NBAS: variants seen among roughly 807,000 people sequenced by gnomAD.
NBAS encodes the protein NAG/BC035112 fusion.
NBAS carries 219 observed loss-of-function variants against 302.5 expected under a neutral mutation model. That is an observed-to-expected ratio of 0.72 (90% CI 0.65 to 0.81). The LOEUF is 0.81. Among genes scored for constraint, NBAS ranks in the 30% least tolerant of loss-of-function variants. The probability of loss-of-function intolerance (pLI) is 0.00; values close to 1 mark genes in which losing one functional copy is unlikely to be tolerated. For synonymous variants in NBAS, 1,118 were observed against 1,021.6 expected (o/e 1.09, Z -1.80); for missense variants, 2,932 against 2,841.6 (o/e 1.03, Z -0.72).
intron 48 of NBAS, among the ~76,000 whole-genome samples, chr2:15,204,140 G>T (rs1311320241): frequency 1.3e-5 from 2 of 151,794 alleles, no homozygotes; most frequent in Non-Finnish European, 2.9e-5. Flanking sequence ...GCATGCCTGC[G>T]GTCTCAGTGA....
At chr2:15,493,986 G>A (rs547253785) in intron 11 of NBAS, among the ~76,000 whole-genome samples, 29 of 151,632 alleles carry the variant, frequency 1.9e-4, no homozygotes, top group African/African-American at 4.6e-4. Flanking sequence ...CCACCACGCC[G>A]GGCTAATTTT....
intron 26 of NBAS, among the ~76,000 whole-genome samples, chr2:15,401,440 G>A (rs974078772): frequency 1.3e-5 from 2 of 152,068 alleles, no homozygotes; most frequent in South Asian, 2.1e-4. Flanking sequence ...AGAGAATGAG[G>A]CTTTCTTGTC....
chr2:15,421,107 G>T (rs888599092), intron 23 of NBAS, among the ~76,000 whole-genome samples: 8 of 151,998 alleles, frequency 5.3e-5, no homozygotes, highest in African/African-American at 1.9e-4. Context: ...AAGTCCGAAA[G>T]AATACATCTA....
At chr2:14,868,510 A>G in the NBAS span, among the ~76,000 whole-genome samples, 1 of 152,216 alleles carries the variant, frequency 6.6e-6, no homozygotes, top group Non-Finnish European at 1.5e-5. Flanking sequence ...GGTATTACTG[A>G]AAAAGCCTTC....
At chr2:15,002,840 G>A in the NBAS span, among the ~76,000 whole-genome samples, 12 of 152,164 alleles carry the variant, frequency 7.9e-5, no homozygotes, top group African/African-American at 2.4e-4. Flanking sequence ...TGCGGGGCCC[G>A]CCAAGCCCAC....
intron 42 of NBAS, among the ~76,000 whole-genome samples, chr2:15,280,797 T>C (rs58026275): frequency 0.027 from 4,054 of 152,254 alleles, 160 homozygotes; most frequent in African/African-American, 0.091. Context: ...GGCCTCACCA[T>C]TGACTACTGA....
At chr2:15,068,560 C>T in the NBAS span, among the ~76,000 whole-genome samples, 1 of 151,342 alleles carries the variant, frequency 6.6e-6, no homozygotes, top group Non-Finnish European at 1.5e-5. Context: ...TAGGCAGAGA[C>T]AATGTCTTAA....
chr2:15,485,909 A>AG (rs1224639231), intron 12 of NBAS, among the ~76,000 whole-genome samples: 1 of 151,932 alleles, frequency 6.6e-6, no homozygotes, highest in East Asian at 1.9e-4. Flanking sequence ...AGGGTTTTAA[A>AG]GGAAAAAAAA....
intron 32 of NBAS, among the ~76,000 whole-genome samples, chr2:15,361,468 G>A (rs947294021): frequency 3.3e-5 from 5 of 151,924 alleles, no homozygotes; most frequent in African/African-American, 1.2e-4. Flanking sequence ...AGCTGAGATC[G>A]CACCACCGCA....
intron 44 of NBAS, among the ~76,000 whole-genome samples, chr2:15,257,456 A>C (rs561747296): frequency 6.7e-6 from 1 of 149,266 alleles, no homozygotes; most frequent in South Asian, 2.1e-4. Context: ...GCAGTGGCAC[A>C]ATCTTGGTTC....
At chr2:14,791,326 A>C in the NBAS span, among the ~76,000 whole-genome samples, 861 of 152,302 alleles carry the variant, frequency 5.7e-3, 2 homozygotes, top group Middle Eastern at 0.02. Flanking sequence ...TGAGAAATTT[A>C]TCCCTAGTAT....
chr2:15,009,399 TAA>T, the NBAS span, among the ~76,000 whole-genome samples: 2 of 145,364 alleles, frequency 1.4e-5, no homozygotes, highest in African/African-American at 2.5e-5. Context: ...TAAAGGCTGA[TAA>T]AAAAAAAAGT....
the NBAS span, among the ~76,000 whole-genome samples, chr2:15,095,816 T>C: frequency 0.026 from 3,969 of 152,306 alleles, 168 homozygotes; most frequent in African/African-American, 0.089. Flanking sequence ...AAGCTTGGCC[T>C]TAGTCAGTGG....
chr2:15,234,509 C>T, intron 46 of NBAS, 36 bp downstream of exon 46: 1 of 1,601,028 alleles, frequency 6.2e-7, no homozygotes, highest in Non-Finnish European at 8.5e-7. Flanking sequence ...CAAAGTGTCA[C>T]CCCAGTTTTT....
intron 25 of NBAS, among the ~76,000 whole-genome samples, chr2:15,407,964 C>T (rs1676499582): frequency 6.6e-6 from 1 of 152,146 alleles, no homozygotes; most frequent in Admixed American, 6.5e-5. Flanking sequence ...TCTCAAGGCC[C>T]CTTTCTCTAT....
the NBAS span, among the ~76,000 whole-genome samples, chr2:15,039,614 G>A: frequency 1.4e-4 from 22 of 152,256 alleles, no homozygotes; most frequent in Non-Finnish European, 2.8e-4. Context: ...AGAAGGTGAG[G>A]GGTTTCCGTA....
chr2:15,272,518 G>T (rs770770070), intron 44 of NBAS, among the ~76,000 whole-genome samples: 2 of 151,986 alleles, frequency 1.3e-5, no homozygotes, highest in African/African-American at 2.4e-5. Flanking sequence ...TTTCAAACAT[G>T]CATTTTTTCC....
the NBAS span, among the ~76,000 whole-genome samples, chr2:14,986,465 T>C: frequency 3.3e-5 from 5 of 152,118 alleles, no homozygotes; most frequent in African/African-American, 9.7e-5. Context: ...CTTCAACCAA[T>C]GGAGAGAAAA....
At chr2:15,048,946 C>G in the NBAS span, among the ~76,000 whole-genome samples, 1 of 152,208 alleles carries the variant, frequency 6.6e-6, no homozygotes, top group Non-Finnish European at 1.5e-5. Context: ...AGGAGAGGCT[C>G]CCAGCCCAGT....
Sources: gnomAD v4.1 joint callset for allele counts (sites outside exome capture counted in the v4.1 genomes callset) on GRCh38, gnomAD v4.1.1 for gene constraint, MANE v1.5 for transcripts, NCBI Gene and HGNC (gene_info 2026-07-23, HGNC 2026-07-21) for gene names.